The following CAP2 variants were observed in gnomAD, a reference collection of about 807,000 sequenced individuals.
CAP2 encodes adenylyl cyclase-associated protein 2.
CAP2 carries 24 observed loss-of-function variants against 57.7 expected under a neutral mutation model. That is an observed-to-expected ratio of 0.42 (90% CI 0.30 to 0.58). The LOEUF is 0.58. Among genes scored for constraint, CAP2 ranks in the 20% least tolerant of loss-of-function variants. The pLI is 0.22. For synonymous variants in CAP2, 194 were observed against 207.2 expected (o/e 0.94, Z 0.55); for missense variants, 501 against 590.3 (o/e 0.85, Z 1.57).
intron 3 of CAP2, among the ~76,000 whole-genome samples, chr6:17,437,976 A>G (rs930429546): frequency 6.6e-6 from 1 of 152,138 alleles, no homozygotes; most frequent in Non-Finnish European, 1.5e-5. Flanking sequence ...TTTATTATTG[A>G]TTTGTAGAGA....
chr6:17,556,111 C>T (rs1036639716), intron 12 of CAP2, among the ~76,000 whole-genome samples: 1 of 152,072 alleles, frequency 6.6e-6, no homozygotes, highest in African/African-American at 2.4e-5. Flanking sequence ...TAGAAGGATG[C>T]CTGGTTCATT....
At chr6:17,529,651 A>AAAAAAATATATATAT (rs10656588) in intron 7 of CAP2, among the ~76,000 whole-genome samples, 9 of 134,532 alleles carry the variant, frequency 6.7e-5, no homozygotes, top group African/African-American at 2.4e-4. Flanking sequence ...AAAAAAAAAA[A>AAAAAAATATATATAT]ATATATATAT....
In CAP2 at chr6:17,546,933, C is replaced by T. The variant is rs192584783; in HGVS notation, c.1209+3790C>T. On this transcript the variant is annotated intron_variant, in intron 11 of 12. Coordinates refer to ENST00000229922, the MANE Select transcript of CAP2 (RefSeq NM_006366.3). ...ACATGATTGTATATCTAGGAAACCC[C>T]ATCGTCTCAGCCCAAAATCTCTTTA... Among the ~76,000 whole-genome samples, 86 of 152,260 alleles carry T rather than the reference C, an allele frequency of 5.6e-4. 1 individual carries two copies. The East Asian group carries it at 0.015, about 27-fold the overall frequency.
intron 1 of CAP2, among the ~76,000 whole-genome samples, chr6:17,398,800 A>G (rs1459455558): frequency 6.6e-6 from 1 of 152,172 alleles, no homozygotes; most frequent in Admixed American, 6.5e-5. Flanking sequence ...CTGGAATTAC[A>G]TGCGTGAGCC....
intron 3 of CAP2, among the ~76,000 whole-genome samples, chr6:17,435,227 C>A (rs933614920): frequency 2.1e-5 from 2 of 97,272 alleles, no homozygotes; most frequent in African/African-American, 3.9e-5. Flanking sequence ...AAGACACATG[C>A]ACACGTATGT....
chr6:17,400,640 G>A (rs1399315315), intron 1 of CAP2, among the ~76,000 whole-genome samples: 1 of 152,036 alleles, frequency 6.6e-6, no homozygotes, highest in African/African-American at 2.4e-5. Context: ...GAGGCGGGCA[G>A]ATCACAAGGT....
At chr6:17,480,455 A>G (rs1297201255) in intron 4 of CAP2, among the ~76,000 whole-genome samples, 2 of 152,208 alleles carry the variant, frequency 1.3e-5, no homozygotes, top group Admixed American at 6.5e-5. Flanking sequence ...CTCAAAGGCC[A>G]ACGAGGGCAA....
chr6:17,474,202 T>A (rs1325562883), intron 4 of CAP2, among the ~76,000 whole-genome samples: 6 of 147,244 alleles, frequency 4.1e-5, no homozygotes, highest in African/African-American at 1.5e-4. Context: ...TTTTTTTTTT[T>A]TTTTTTTTGT....
chr6:17,543,537 C>T (rs1170986876), intron 11 of CAP2, among the ~76,000 whole-genome samples: 4 of 147,888 alleles, frequency 2.7e-5, no homozygotes, highest in African/African-American at 5.0e-5. Context: ...GGGAGAATGG[C>T]GTGAACCCAG....
intron 4 of CAP2, among the ~76,000 whole-genome samples, chr6:17,506,283 T>C (rs1761981220): frequency 1.3e-5 from 2 of 152,280 alleles, no homozygotes; most frequent in South Asian, 2.1e-4. Context: ...CCTGTAGCCA[T>C]AGGCGAAGTG....
At position 17,539,385 on chromosome 6, in the gene CAP2, CA is replaced by C. The variant is rs1762847264; in HGVS notation, c.759del (p.Glu254ArgfsTer91). 6 of 1,613,750 alleles carry C rather than the reference CA, an allele frequency of 3.7e-6. No individual in the cohort carries two copies. The highest frequency in any genetic ancestry group is 5.1e-6 in the Non-Finnish European group (6 of 1,179,866). On this transcript the variant is annotated frameshift_variant, in exon 8 of 13. Transcript: ENST00000229922. LOFTEE classifies it high-confidence loss of function. Reference protein sequence around the residue: ...GPPPLFENEGKKEESSPSRSA... With the variant: ...GPPPLFENEGXKEESSPSRSA... The stretch of plus-strand genomic sequence containing the variant: ...CACCTCCACTTTTCGAGAATGAAGG[CA>C]AAAAAGAGGAATCTTCTCCTTCACG...
At position 17,557,693 on chromosome 6, in the gene CAP2, T is replaced by G. The variant is rs565266595; in HGVS notation, c.*1251T>G. On this transcript the variant is annotated 3_prime_UTR_variant, in exon 13 of 13. Coordinates refer to ENST00000229922, the MANE Select transcript of CAP2 (RefSeq NM_006366.3). ...TACCAAGGTTTTGCTATAAAAGTTT[T>G]GTCTGTATGAATAATGTGGCTTTAG... is the stretch of plus-strand genomic sequence containing the variant. The G allele has an allele frequency of 5.9e-5, 9 of 152,362 alleles. No homozygotes were observed. In the South Asian group the frequency reaches 1.9e-3, roughly 32 times the overall value. 9.4% of individuals were successfully genotyped at this position (152,362 alleles called of 1,614,324 possible).
rs1762185741 is a variant in CAP2, at chr6:17,512,678, G to A, written c.531-1171G>A. ...GTTTTTGAGTTTTGACTGTGAAGGT[G>A]AGGTAAAGCGACAATGAGATTTTTC... is the stretch of plus-strand genomic sequence containing the variant. On this transcript the variant is annotated intron_variant, in intron 6 of 12. Transcript: ENST00000229922. 2.0e-5 allele frequency among the ~76,000 whole-genome samples: 3 copies of A among 152,214 alleles called. No homozygotes were observed. The South Asian group carries it at 6.2e-4, about 32-fold the overall frequency.
At chr6:17,492,746 C>T (rs1367289185) in intron 4 of CAP2, among the ~76,000 whole-genome samples, 1 of 152,158 alleles carries the variant, frequency 6.6e-6, no homozygotes, top group African/African-American at 2.4e-5. Flanking sequence ...ATAAAATCTC[C>T]CCTCCTCCTC....
intron 3 of CAP2, among the ~76,000 whole-genome samples, chr6:17,456,375 G>C (rs1581534335): frequency 6.6e-6 from 1 of 152,182 alleles, no homozygotes; most frequent in Non-Finnish European, 1.5e-5. Context: ...CTTCAGTCTT[G>C]TTTTAAGCAA....
intron 3 of CAP2, among the ~76,000 whole-genome samples, chr6:17,459,491 A>G (rs1760667304): frequency 6.6e-6 from 1 of 152,220 alleles, no homozygotes. Flanking sequence ...AATGTGTCAG[A>G]AAGGAGGCTA....
At chr6:17,406,412 T>TTTTTTTTTTTTTTTCTTTTTTC (rs1197104013) in intron 1 of CAP2, among the ~76,000 whole-genome samples, 1 of 135,198 alleles carries the variant, frequency 7.4e-6, no homozygotes, top group African/African-American at 3.7e-5. Context: ...TTTTTTTTTT[T>TTTTTTTTTTTTTTTCTTTTTTC]TGAGGCAGTC....
chr6:17,474,646 C>T (rs930610945), intron 4 of CAP2, among the ~76,000 whole-genome samples: 31 of 152,192 alleles, frequency 2.0e-4, no homozygotes, highest in Non-Finnish European at 4.1e-4. Flanking sequence ...TGAACTTCCT[C>T]AGCACCTATG....
At position 17,541,027 on chromosome 6, in the gene CAP2, C is replaced by A; in HGVS notation, c.881C>A (p.Ala294Asp). 2.5e-6 allele frequency: 4 copies of A among 1,614,128 alleles called. No homozygotes were observed. In the Admixed American group the frequency reaches 5.0e-5, roughly 20 times the overall value. ...ACATACAAAAATCCCAGCCTGCGGG[C>A]TCAAGGAGGGCAAACTCAATCTCCC... ...QKTYKNPSLR[A>D]QGGQTQSPTK... is the part of the protein sequence containing the mutation. The change falls in exon 9 of 13, where the codon GCT becomes GAT. Residue 294 changes from alanine to aspartate, a missense_variant. Transcript: ENST00000229922.
Sources: allele counts gnomAD v4.1 joint callset (sites outside exome capture counted in the v4.1 genomes callset), GRCh38; gene constraint gnomAD v4.1.1; transcripts MANE v1.5; gene names NCBI Gene and HGNC (gene_info 2026-07-23, HGNC 2026-07-21).